ZNF469: variants seen among roughly 807,000 people sequenced by gnomAD.
The protein encoded by ZNF469 is zinc finger protein 469.
Under a neutral mutation model 1.0 loss-of-function variants are expected in ZNF469, and 1 was observed. The ratio of observed to expected loss-of-function variants is 1.00; its 90% confidence interval spans 0.35 to 4.73. The LOEUF is 4.73. Among genes scored for constraint, ZNF469 ranks in the 30% most tolerant of loss-of-function variants. The pLI is 0.16. For synonymous variants in ZNF469, 2,703 were observed against 2,363.4 expected (o/e 1.14, Z -4.17); for missense variants, 6,100 against 5,356.3 (o/e 1.14, Z -4.33).
chr16:88,412,696 G>A (rs764621890), intron 1 of ZNF469, among the ~76,000 whole-genome samples: 1 of 152,194 alleles, frequency 6.6e-6, no homozygotes. Flanking sequence ...CCGAAAGAGC[G>A]AGTGGGTGAA....
chr16:88,397,626 TGG>T (rs1491432996), intron 1 of ZNF469, among the ~76,000 whole-genome samples: 2,166 of 147,358 alleles, frequency 0.015, 35 homozygotes, highest in African/African-American at 0.037. Context: ...GATGGGTGGA[TGG>T]ATGGATGGAT....
At chr16:88,409,251 G>A (rs1905084007) in intron 1 of ZNF469, among the ~76,000 whole-genome samples, 1 of 152,274 alleles carries the variant, frequency 6.6e-6, no homozygotes, top group South Asian at 2.1e-4. Context: ...CCTGCAAAGA[G>A]GCGATGATGA....
At chr16:88,244,013 T>G in the ZNF469 span, among the ~76,000 whole-genome samples, 1 of 130,136 alleles carries the variant, frequency 7.7e-6, no homozygotes, top group Non-Finnish European at 1.6e-5. Flanking sequence ...TGGATGTACG[T>G]ATGGGTGAGT....
chr16:88,179,314 T>G, the ZNF469 span, among the ~76,000 whole-genome samples: 3 of 152,150 alleles, frequency 2.0e-5, no homozygotes, highest in Admixed American at 1.3e-4. Flanking sequence ...CTCAATTAGT[T>G]CCTGCGTGAG....
At chr16:88,176,960 T>G in the ZNF469 span, among the ~76,000 whole-genome samples, 1 of 152,234 alleles carries the variant, frequency 6.6e-6, no homozygotes, top group Non-Finnish European at 1.5e-5. Context: ...CGTGTGTCTG[T>G]GACCCGTGGC....
At chr16:88,175,504 G>A in the ZNF469 span, among the ~76,000 whole-genome samples, 3 of 152,162 alleles carry the variant, frequency 2.0e-5, no homozygotes, top group South Asian at 2.1e-4. Context: ...CTGACCACAA[G>A]AGGATTAATT....
At chr16:88,150,737 G>A in the ZNF469 span, among the ~76,000 whole-genome samples, 4 of 143,538 alleles carry the variant, frequency 2.8e-5, no homozygotes, top group Non-Finnish European at 1.5e-5. Context: ...TTCCAGGTTC[G>A]AGTTTCCGGA....
the ZNF469 span, among the ~76,000 whole-genome samples, chr16:88,296,653 C>G: frequency 6.6e-6 from 1 of 152,100 alleles, no homozygotes; most frequent in Non-Finnish European, 1.5e-5. Context: ...CACACATGCA[C>G]AGACATGCTC....
At chr16:88,215,002 T>C in the ZNF469 span, among the ~76,000 whole-genome samples, 1 of 152,246 alleles carries the variant, frequency 6.6e-6, no homozygotes, top group South Asian at 2.1e-4. Context: ...CCTCGCTTTA[T>C]AGCTTTAACT....
chr16:88,165,061 C>T, the ZNF469 span, among the ~76,000 whole-genome samples: 2 of 152,210 alleles, frequency 1.3e-5, no homozygotes, highest in African/African-American at 2.4e-5. Context: ...GAGGGGAGGG[C>T]CATTGTGGGC....
the ZNF469 span, among the ~76,000 whole-genome samples, chr16:88,368,792 T>A: frequency 1.3e-5 from 2 of 152,034 alleles, no homozygotes; most frequent in Non-Finnish European, 2.9e-5. Context: ...AGCTCCTTGA[T>A]CTCCTTCTCA....
the ZNF469 span, among the ~76,000 whole-genome samples, chr16:88,162,485 C>G: frequency 3.3e-5 from 5 of 151,420 alleles, no homozygotes; most frequent in Non-Finnish European, 4.4e-5. Flanking sequence ...TAAGTGTAAT[C>G]AATACAAAGG....
At position 88,429,587 on chromosome 16, in the gene ZNF469, C is replaced by T; in HGVS notation, c.2117C>T (p.Pro706Leu). 2 of 1,549,772 alleles carry T rather than the reference C, an allele frequency of 1.3e-6. No individual in the cohort carries two copies. Among genetic ancestry groups the T allele is most frequent in the Non-Finnish European group, 1.7e-6 (2 of 1,146,724 alleles). ...EVGRGGLQGFPRAPPPYPTHH... is the reference protein window; with the variant it reads ...EVGRGGLQGFLRAPPPYPTHH... ...GGTCGGGGAGGGCTGCAGGGCTTCCCCCGTGCGCCGCCTCCGTACCCCACA... is the reference window on the plus strand; with the variant it reads ...GGTCGGGGAGGGCTGCAGGGCTTCCTCCGTGCGCCGCCTCCGTACCCCACA... The change falls in exon 3 of 3, where the codon CCC (proline) becomes CTC (leucine). Residue 706 changes from proline to leucine, a missense_variant. Physicochemically the swap from Pro to Leu is moderately conservative, Grantham distance 98 (BLOSUM62 -3). Transcript: ENST00000565624.
the ZNF469 span, among the ~76,000 whole-genome samples, chr16:88,211,432 G>C: frequency 6.6e-6 from 1 of 152,240 alleles, no homozygotes; most frequent in Non-Finnish European, 1.5e-5. Context: ...TGTCAGGAGG[G>C]AAAGTCGATA....
the ZNF469 span, among the ~76,000 whole-genome samples, chr16:88,121,303 G>A: frequency 0.016 from 2,458 of 151,814 alleles, 64 homozygotes; most frequent in African/African-American, 0.055. Flanking sequence ...CAAACCCTCC[G>A]AGGAGTTCAC....
chr16:88,406,996 C>T (rs1905043378), intron 1 of ZNF469, among the ~76,000 whole-genome samples: 1 of 152,170 alleles, frequency 6.6e-6, no homozygotes, highest in African/African-American at 2.4e-5. Flanking sequence ...TCAGCATAAA[C>T]ATGTTTTAAG....
chr16:88,186,742 G>A, the ZNF469 span, among the ~76,000 whole-genome samples: 1 of 152,230 alleles, frequency 6.6e-6, no homozygotes, highest in African/African-American at 2.4e-5. Flanking sequence ...AAGCCGCTCC[G>A]TGTTGGAAAA....
chr16:88,184,604 G>GC, the ZNF469 span, among the ~76,000 whole-genome samples: 1 of 152,096 alleles, frequency 6.6e-6, no homozygotes, highest in African/African-American at 2.4e-5. Flanking sequence ...CCCGTTTCAG[G>GC]GGGGAAGCTG....
chr16:88,249,657 C>T, the ZNF469 span, among the ~76,000 whole-genome samples: 25 of 151,804 alleles, frequency 1.6e-4, no homozygotes, highest in Non-Finnish European at 2.9e-5. Flanking sequence ...AGGATGGTCT[C>T]GATCTCCTGA....
Sources: allele counts gnomAD v4.1 joint callset (sites outside exome capture counted in the v4.1 genomes callset), GRCh38; gene constraint gnomAD v4.1.1; transcripts MANE v1.5; gene names NCBI Gene and HGNC (gene_info 2026-07-23, HGNC 2026-07-21).